FAM90A12: variants seen among roughly 807,000 people sequenced by gnomAD.
FAM90A12 encodes the protein protein FAM90A12.
chr8:8,028,268 T>C, the FAM90A12 span: 4 of 1,115,244 alleles, frequency 3.6e-6, 1 homozygote, highest in African/African-American at 5.0e-5. Flanking sequence ...GCCTGGGGTC[T>C]GGCGGCCTGG....
chr8:8,028,955 A>C, the FAM90A12 span, among the ~76,000 whole-genome samples: 453 of 101,658 alleles, frequency 4.5e-3, 47 homozygotes, highest in East Asian at 0.02. Flanking sequence ...TTCTCTGAAC[A>C]CATGCATGTT....
the FAM90A12 span, chr8:8,028,230 T>C: frequency 1.4e-3 from 1,452 of 1,024,466 alleles, 193 homozygotes; most frequent in African/African-American, 0.023. Flanking sequence ...GGCAGGGCAG[T>C]GAGGTCACCG....
chr8:8,028,632 C>G, the FAM90A12 span: 1 of 754,512 alleles, frequency 1.3e-6, no homozygotes, highest in African/African-American at 2.1e-5. Flanking sequence ...GTTAGAAGTT[C>G]CTCAGCATGG....
the FAM90A12 span, chr8:8,029,335 CAT>C: frequency 3.9e-6 from 1 of 255,990 alleles, no homozygotes; most frequent in African/African-American, 5.7e-5. Context: ...TCCCGGAAAA[CAT>C]GTGGAGGAGA....
the FAM90A12 span, chr8:8,028,228 A>T: frequency 0.16 from 154,000 of 965,522 alleles, 72,564 homozygotes; most frequent in East Asian, 0.54. Flanking sequence ...CGGGCAGGGC[A>T]GTGAGGTCAC....
the FAM90A12 span, chr8:8,028,232 A>T: frequency 1.9e-6 from 2 of 1,027,862 alleles, 1 homozygote; most frequent in South Asian, 3.5e-5. Context: ...CAGGGCAGTG[A>T]GGTCACCGCA....
At chr8:8,027,925 CA>C in the FAM90A12 span, 1 of 1,026,666 alleles carries the variant, frequency 9.7e-7, no homozygotes. Flanking sequence ...AGTAGGCAGG[CA>C]AGGTCTGCTG....
chr8:8,028,493 AG>A, the FAM90A12 span: 9 of 1,147,138 alleles, frequency 7.8e-6, 1 homozygote, highest in African/African-American at 1.3e-4. Flanking sequence ...AGTGAAGCCA[AG>A]ACGGAGCCCC....
chr8:8,028,565 T>A, the FAM90A12 span: 32 of 873,826 alleles, frequency 3.7e-5, no homozygotes, highest in Middle Eastern at 8.4e-4. Flanking sequence ...GGCCTCTTAC[T>A]GCTTGTGTGG....
At chr8:8,028,291 G>C in the FAM90A12 span, 4 of 1,151,092 alleles carry the variant, frequency 3.5e-6, 2 homozygotes, top group Non-Finnish European at 4.7e-6. Flanking sequence ...CAGTCCGTGG[G>C]TTTTGGAGGC....
chr8:8,028,189 C>T, the FAM90A12 span: 23 of 979,176 alleles, frequency 2.3e-5, no homozygotes, highest in African/African-American at 4.2e-4. Context: ...GAGATTGGAG[C>T]CTAGGCCCAA....
the FAM90A12 span, among the ~76,000 whole-genome samples, chr8:8,029,030 C>T: frequency 2.1e-5 from 2 of 95,040 alleles, no homozygotes; most frequent in African/African-American, 7.0e-5. Flanking sequence ...CCGCTAGGAA[C>T]GTGTTGTTGG....
chr8:8,028,303 G>A, the FAM90A12 span: 4 of 1,151,410 alleles, frequency 3.5e-6, 1 homozygote, highest in Admixed American at 2.6e-5. Context: ...TTTGGAGGCA[G>A]CCTGGGGAAC....
the FAM90A12 span, chr8:8,028,256 G>C: frequency 0.18 from 173,470 of 956,098 alleles, 76,080 homozygotes; most frequent in East Asian, 0.57. Flanking sequence ...CGTTTGTCTT[G>C]TGCCTGGGGT....
the FAM90A12 span, chr8:8,028,272 G>A: frequency 0.032 from 35,222 of 1,092,096 alleles, 9,395 homozygotes; most frequent in South Asian, 0.066. Flanking sequence ...GGGGTCTGGC[G>A]GCCTGGGGCA....
chr8:8,028,235 T>A, the FAM90A12 span: 43 of 1,031,356 alleles, frequency 4.2e-5, 9 homozygotes, highest in East Asian at 4.0e-4. Context: ...GGCAGTGAGG[T>A]CACCGCAGGA....
At chr8:8,028,066 C>G in the FAM90A12 span, 1 of 782,646 alleles carries the variant, frequency 1.3e-6, no homozygotes, top group Non-Finnish European at 1.8e-6. Context: ...CAGCTCACCT[C>G]CCTGGATGGC....
chr8:8,028,223 A>C, the FAM90A12 span: 7 of 1,011,704 alleles, frequency 6.9e-6, no homozygotes, highest in Non-Finnish European at 9.4e-6. Flanking sequence ...GCTGGCGGGC[A>C]GGGCAGTGAG....
At chr8:8,028,438 C>G in the FAM90A12 span, 1 of 1,023,822 alleles carries the variant, frequency 9.8e-7, no homozygotes, top group African/African-American at 1.8e-5. Flanking sequence ...TTCCTTTGGT[C>G]CAAGACTTGA....
Sources: gnomAD v4.1 joint callset for allele counts (sites outside exome capture counted in the v4.1 genomes callset) on GRCh38, gnomAD v4.1.1 for gene constraint, MANE v1.5 for transcripts, NCBI Gene and HGNC (gene_info 2026-07-23, HGNC 2026-07-21) for gene names.